CNTN4: variants seen among roughly 807,000 people sequenced by gnomAD.
The protein encoded by CNTN4 is contactin 4.
A neutral mutation model predicts 122.5 loss-of-function variants in CNTN4; 77 were observed. The observed-to-expected ratio is 0.63, with a 90% CI of 0.52 to 0.76. The LOEUF is 0.76. Among genes scored for constraint, CNTN4 ranks in the 30% least tolerant of loss-of-function variants. CNTN4 has a pLI of 0.00. For synonymous variants in CNTN4, 512 were observed against 447.0 expected (o/e 1.15, Z -1.83); for missense variants, 1,256 against 1,259.1 (o/e 1.00, Z 0.04).
intron 2 of CNTN4, among the ~76,000 whole-genome samples, chr3:2,140,286 T>A (rs539413824): frequency 1.3e-5 from 2 of 152,302 alleles, no homozygotes; most frequent in South Asian, 4.1e-4. Context: ...TATTTATGGA[T>A]TGATGAGAAA....
At chr3:2,364,406 T>G (rs2045289660) in intron 3 of CNTN4, among the ~76,000 whole-genome samples, 1 of 152,162 alleles carries the variant, frequency 6.6e-6, no homozygotes, top group Non-Finnish European at 1.5e-5. Context: ...TCTTTCTATT[T>G]CCAAGGACCC....
chr3:2,477,874 C>A (rs1575721945), intron 3 of CNTN4, among the ~76,000 whole-genome samples: 1 of 152,070 alleles, frequency 6.6e-6, no homozygotes, highest in Non-Finnish European at 1.5e-5. Context: ...GCAGTAAGCT[C>A]AGTAGGAACA....
chr3:2,941,201 C>T (rs2094611642), intron 13 of CNTN4, among the ~76,000 whole-genome samples: 1 of 152,180 alleles, frequency 6.6e-6, no homozygotes, highest in South Asian at 2.1e-4. Context: ...ATCAGACTCT[C>T]CCTTTTCTTA....
intron 3 of CNTN4, among the ~76,000 whole-genome samples, chr3:2,491,518 A>G (rs942842884): frequency 7.2e-5 from 11 of 152,190 alleles, no homozygotes; most frequent in Non-Finnish European, 1.5e-4. Context: ...AAGCACTTTC[A>G]CAAGAAACTA....
intron 2 of CNTN4, among the ~76,000 whole-genome samples, chr3:2,241,325 A>C (rs982527210): frequency 6.6e-6 from 1 of 152,074 alleles, no homozygotes; most frequent in Non-Finnish European, 1.5e-5. Context: ...GGCATTGGAT[A>C]GATAGTTACA....
chr3:2,486,152 C>T (rs961536235), intron 3 of CNTN4, among the ~76,000 whole-genome samples: 1 of 152,128 alleles, frequency 6.6e-6, no homozygotes, highest in African/African-American at 2.4e-5. Flanking sequence ...AGAGCTGTAA[C>T]ACTCACTGCG....
chr3:2,254,652 G>GT (rs1455861345), intron 2 of CNTN4, among the ~76,000 whole-genome samples: 2 of 152,070 alleles, frequency 1.3e-5, no homozygotes, highest in Non-Finnish European at 2.9e-5. Context: ...GATGATGAGC[G>GT]TTTTTTCATA....
chr3:2,670,558 C>CTG, intron 4 of CNTN4, among the ~76,000 whole-genome samples: 1 of 152,080 alleles, frequency 6.6e-6, no homozygotes, highest in East Asian at 1.9e-4. Flanking sequence ...ATTTGCCAGT[C>CTG]TGTGTCTTTT....
At chr3:2,448,940 T>A (rs1186578994) in intron 3 of CNTN4, among the ~76,000 whole-genome samples, 2 of 152,174 alleles carry the variant, frequency 1.3e-5, no homozygotes, top group African/African-American at 4.8e-5. Flanking sequence ...AGGCTACCTT[T>A]CTATCTCCAG....
intron 4 of CNTN4, 149 bp downstream of exon 4, chr3:2,571,707 CT>C: frequency 2.9e-6 from 2 of 694,754 alleles, no homozygotes; most frequent in South Asian, 3.1e-5. Context: ...TTGAATATAC[CT>C]TCCTGATGGT....
rs2149901090 is a variant in CNTN4 at position 2,618,685 on chromosome 3, C to T, written c.55+47127C>T. On this transcript the variant is annotated intron_variant, in intron 4 of 24. Transcript: ENST00000418658. ...TCTGGAGTCATTGCTCTTATTTAAT[C>T]AGTATCTCCTACTGGAAATTTTGAT... Among the ~76,000 whole-genome samples the T allele has an allele frequency of 1.3e-5, 2 of 152,280 alleles. 1 individual carries two copies. The highest frequency in any genetic ancestry group is 1.3e-4 in the Admixed American group (2 of 15,284).
intron 4 of CNTN4, among the ~76,000 whole-genome samples, chr3:2,646,964 A>G (rs1372113360): frequency 6.6e-6 from 1 of 152,198 alleles, no homozygotes; most frequent in Admixed American, 6.5e-5. Context: ...TCAGCATGAA[A>G]TTTGGGGAAA....
At chr3:2,102,978 A>T (rs954437125) in intron 2 of CNTN4, among the ~76,000 whole-genome samples, 2 of 151,862 alleles carry the variant, frequency 1.3e-5, no homozygotes, top group Non-Finnish European at 2.9e-5. Context: ...TAATAGAAGC[A>T]GTTAATACAT....
chr3:2,519,363 C>G (rs1351715129), intron 3 of CNTN4, among the ~76,000 whole-genome samples: 4 of 152,176 alleles, frequency 2.6e-5, no homozygotes, highest in Non-Finnish European at 5.9e-5. Flanking sequence ...TAGGCCTGGA[C>G]ATGATCTACA....
At chr3:2,273,793 C>A (rs977052399) in intron 2 of CNTN4, among the ~76,000 whole-genome samples, 1 of 152,166 alleles carries the variant, frequency 6.6e-6, no homozygotes, top group Admixed American at 6.5e-5. Context: ...TGTGGTACCA[C>A]CATTTGTTAT....
intron 14 of CNTN4, among the ~76,000 whole-genome samples, chr3:2,999,546 C>T (rs1428000330): frequency 6.6e-6 from 1 of 151,964 alleles, no homozygotes; most frequent in African/African-American, 2.4e-5. Context: ...TAGGGAGGGG[C>T]CAATTGTCAG....
At chr3:3,009,216 C>A (rs1372537330) in intron 14 of CNTN4, among the ~76,000 whole-genome samples, 1 of 152,152 alleles carries the variant, frequency 6.6e-6, no homozygotes, top group East Asian at 1.9e-4. Flanking sequence ...TTGCAGAGAG[C>A]CTCTTTCTCT....
chr3:2,907,898 T>C (rs1332201578), intron 12 of CNTN4, among the ~76,000 whole-genome samples: 1 of 152,260 alleles, frequency 6.6e-6, no homozygotes, highest in Non-Finnish European at 1.5e-5. Flanking sequence ...GAGAGACTTT[T>C]ATCTTGAGGT....
At chr3:2,458,330 G>A (rs953079638) in intron 3 of CNTN4, among the ~76,000 whole-genome samples, 2 of 152,108 alleles carry the variant, frequency 1.3e-5, no homozygotes, top group African/African-American at 4.8e-5. Context: ...AATGAACGAT[G>A]TTTTATCTAA....
Sources: gnomAD v4.1 joint callset for allele counts (sites outside exome capture counted in the v4.1 genomes callset) on GRCh38, gnomAD v4.1.1 for gene constraint, MANE v1.5 for transcripts, NCBI Gene and HGNC (gene_info 2026-07-23, HGNC 2026-07-21) for gene names.